Variants in ZNF718 observed in about 807,000 individuals in gnomAD.
ZNF718 encodes zinc finger protein 718.
ZNF718 carries 3 observed loss-of-function variants against 2.6 expected under a neutral mutation model. That is an observed-to-expected ratio of 1.16 (90% CI 0.53 to 3.01). ZNF718 has a LOEUF of 3.01. ZNF718 is among the 30% of genes most tolerant of loss of function. The pLI is 0.03. For missense variants in ZNF718, 468 were observed against 230.0 expected, an observed-to-expected ratio of 2.03 and a Z score of -6.69; for synonymous variants, 135 against 77.9, an observed-to-expected ratio of 1.73 and a Z score of -3.86.
chr4:174,071 A>T (rs1717299863), intron 3 of ZNF718, among the ~76,000 whole-genome samples: 1 of 152,134 alleles, frequency 6.6e-6, no homozygotes, highest in African/African-American at 2.4e-5. Context: ...CAACATGAAT[A>T]AACAAGCTAT....
downstream of ZNF718, among the ~76,000 whole-genome samples, chr4:166,798 G>T (rs1369651714): frequency 6.6e-6 from 1 of 152,032 alleles, no homozygotes; most frequent in African/African-American, 2.4e-5. Context: ...CCATTCTGTA[G>T]GTTGCCTGTT....
chr4:166,282 C>G (rs1204132613), downstream of ZNF718, among the ~76,000 whole-genome samples: 1 of 152,196 alleles, frequency 6.6e-6, no homozygotes, highest in African/African-American at 2.4e-5. Flanking sequence ...CAAGTCTTTG[C>G]TATTGTGAAT....
At chr4:126,038 T>C (rs1255224033) in intron 1 of ZNF718, among the ~76,000 whole-genome samples, 1 of 152,246 alleles carries the variant, frequency 6.6e-6, no homozygotes, top group Non-Finnish European at 1.5e-5. Flanking sequence ...GGCCTGTACC[T>C]GTAGCACAAA....
At position 128,136 on chromosome 4, in the gene ZNF718, A is replaced by C. The variant is rs1715277657; in HGVS notation, c.4-2652A>C. On this transcript the variant is annotated intron_variant, in intron 1 of 3. Coordinates refer to ENST00000510175, the MANE Select transcript of ZNF718 (RefSeq NM_001039127.6). The stretch of plus-strand genomic sequence containing the variant: ...GTAGAGGCACATTGATCCCACCTAG[A>C]ATCTGCATACAAAAGTTGGCCTCTG... Among the ~76,000 whole-genome samples, 2 of 104,464 alleles carry C rather than the reference A, an allele frequency of 1.9e-5. 1 individual carries two copies. Among genetic ancestry groups the C allele is most frequent in the Non-Finnish European group, 4.3e-5 (2 of 46,772 alleles). 68.5% of individuals were successfully genotyped at this position (104,464 alleles called of 152,430 possible).
chr4:146,454 T>A (rs1305027202), intron 3 of ZNF718, among the ~76,000 whole-genome samples: 1 of 152,112 alleles, frequency 6.6e-6, no homozygotes, highest in South Asian at 2.1e-4. Flanking sequence ...CTTGCTTCTT[T>A]TAAGAATCTC....
intron 3 of ZNF718, among the ~76,000 whole-genome samples, chr4:193,314 G>A (rs994462621): frequency 4.6e-5 from 7 of 152,076 alleles, no homozygotes; most frequent in African/African-American, 1.7e-4. Context: ...TTTCTGTACA[G>A]CCAATAATAA....
At chr4:173,889 C>T (rs1717295154) in intron 3 of ZNF718, among the ~76,000 whole-genome samples, 1 of 152,188 alleles carries the variant, frequency 6.6e-6, no homozygotes. Flanking sequence ...TCACCACCTA[C>T]AAGAATGCAG....
At chr4:167,113 T>C (rs1228142833), downstream of ZNF718, among the ~76,000 whole-genome samples, 1 of 152,134 alleles carries the variant, frequency 6.6e-6, no homozygotes, top group African/African-American at 2.4e-5. Context: ...AGGAAATCCT[T>C]TCCCCATTTC....
intron 3 of ZNF718, among the ~76,000 whole-genome samples, chr4:134,307 C>T (rs1017538351): frequency 6.6e-6 from 1 of 152,008 alleles, no homozygotes; most frequent in Non-Finnish European, 1.5e-5. Flanking sequence ...CCACCACGCC[C>T]GGCTAATTTT....
chr4:178,203 A>G (rs930284531), intron 3 of ZNF718, among the ~76,000 whole-genome samples: 9 of 151,682 alleles, frequency 5.9e-5, no homozygotes, highest in Non-Finnish European at 1.0e-4. Context: ...CAGTGGTGCA[A>G]TAATGGCTCA....
In ZNF718 at chr4:152,238, C is replaced by G. The variant is rs146458769; in HGVS notation, c.227-8674C>G. Among the ~76,000 whole-genome samples, 280 of 145,220 alleles carry G rather than the reference C, an allele frequency of 1.9e-3. 8 individuals are homozygous for G. The East Asian group carries it at 0.053, about 28-fold the overall frequency. On this transcript the variant is annotated intron_variant, in intron 3 of 3. Transcript: ENST00000510175. ...GACAGATGCCTTCCTCTTGTCTCAA[C>G]TGCAAGAGCCATTCCTTCCTCTTTT...
At position 161,943 on chromosome 4, in the gene ZNF718, G is replaced by A; in HGVS notation, c.1258G>A (p.Glu420Lys). ...TAATCATAAGAAAATTCATACTGGAGAGAAACCCTACATATGTAAACAATG... is the reference window on the plus strand; with the variant it reads ...TAATCATAAGAAAATTCATACTGGAAAGAAACCCTACATATGTAAACAATG... Reference protein sequence around the residue: ...LHNHKKIHTGEKPYICKQCGK... With the variant: ...LHNHKKIHTGKKPYICKQCGK... Residue 420 changes from glutamate to lysine, a missense_variant, in exon 4 of 4, where the codon GAG becomes AAG. Coordinates refer to ENST00000510175, the MANE Select transcript of ZNF718 (RefSeq NM_001039127.6). The A allele has an allele frequency of 1.3e-6, 1 of 779,948 alleles. No individual in the cohort carries two copies. Among genetic ancestry groups the A allele is most frequent in the Non-Finnish European group, 2.4e-6 (1 of 417,572 alleles). 48.3% of individuals were successfully genotyped at this position (779,948 alleles called of 1,614,324 possible).
At chr4:172,826 C>T (rs11248005) in intron 3 of ZNF718, among the ~76,000 whole-genome samples, 28,261 of 151,814 alleles carry the variant, frequency 0.19, 2,837 homozygotes, top group Admixed American at 0.26. Flanking sequence ...GAGGCTGAGA[C>T]GGGTGGATCA....
intron 3 of ZNF718, among the ~76,000 whole-genome samples, chr4:157,894 T>C (rs1716647511): frequency 6.6e-6 from 1 of 152,180 alleles, no homozygotes; most frequent in South Asian, 2.1e-4. Context: ...ATGAATATTG[T>C]CTTTTTGTTT....
At chr4:147,344 C>T (rs1716110679) in intron 3 of ZNF718, among the ~76,000 whole-genome samples, 1 of 152,160 alleles carries the variant, frequency 6.6e-6, no homozygotes, top group African/African-American at 2.4e-5. Context: ...TCTGAAGAAG[C>T]AAATGCCTCT....
chr4:125,650 C>T (rs1225851979), intron 1 of ZNF718, among the ~76,000 whole-genome samples: 1 of 152,198 alleles, frequency 6.6e-6, no homozygotes, highest in African/African-American at 2.4e-5. Context: ...CTGTCCTCTT[C>T]CTCCAGGCCT....
intron 3 of ZNF718, among the ~76,000 whole-genome samples, chr4:199,048 T>G (rs1202104653): frequency 1.3e-5 from 2 of 152,202 alleles, no homozygotes; most frequent in Non-Finnish European, 2.9e-5. Context: ...CACAGTGCAG[T>G]CCTGCTTAAC....
chr4:124,994 TTTACCCTG>T (rs1164050308), intron 1 of ZNF718: 4 of 317,052 alleles, frequency 1.3e-5, no homozygotes, highest in African/African-American at 6.6e-5. Context: ...CCGTCCCTAC[TTTACCCTG>T]TTCAGAATGA....
Position 127,594 on chromosome 4 carries a change from A to G in ZNF718, c.3+2921A>G, listed in dbSNP as rs1715268993. On this transcript the variant is annotated intron_variant, in intron 1 of 3. Coordinates refer to ENST00000510175, the MANE Select transcript of ZNF718 (RefSeq NM_001039127.6). ...ATGTGCAGTTCCAAATTCTGAATTT[A>G]TTTTCTGGGATTTGAGAGAAGAAAA... is the stretch of plus-strand genomic sequence containing the variant. 3.8e-5 allele frequency among the ~76,000 whole-genome samples: 4 copies of G among 104,892 alleles called. 2 individuals carry two copies. The highest frequency in any genetic ancestry group is 8.5e-5 in the Non-Finnish European group (4 of 46,874). The allele number at this position is 104,892 out of a possible 152,430, so 68.8% of individuals were successfully genotyped here.
Sources: gnomAD v4.1 joint callset for allele counts (sites outside exome capture counted in the v4.1 genomes callset) on GRCh38, gnomAD v4.1.1 for gene constraint, MANE v1.5 for transcripts, NCBI Gene and HGNC (gene_info 2026-07-23, HGNC 2026-07-21) for gene names.